Variants in CSF1R observed in about 807,000 individuals in gnomAD.
The protein encoded by CSF1R is macrophage colony-stimulating factor 1 receptor.
CSF1R carries 40 observed loss-of-function variants against 110.0 expected under a neutral mutation model. The ratio of observed to expected loss-of-function variants is 0.36; its 90% CI spans 0.28 to 0.47. The LOEUF is 0.47. Among genes scored for constraint, CSF1R ranks in the 20% least tolerant of loss-of-function variants. CSF1R has a pLI of 0.99. For synonymous variants in CSF1R, 523 were observed against 503.4 expected (o/e 1.04, Z -0.52); for missense variants, 1,052 against 1,253.0 (o/e 0.84, Z 2.42).
chr5:150,056,365 A>G (rs1348948575), intron 16 of CSF1R, 24 bp from the exon 17 acceptor site: 1 of 1,613,756 alleles, frequency 6.2e-7, no homozygotes, highest in Non-Finnish European at 8.5e-7. Context: ...CTGCAGGGTT[A>G]GTCTTGGGCC....
chr5:150,083,584 T>A lies in CSF1R; in HGVS notation c.50-2560A>T, dbSNP rs915714086. On this transcript the variant is annotated intron_variant, in intron 1 of 20. Transcript: ENST00000675795. The stretch of plus-strand genomic sequence containing the variant: ...TTAGGTTTCCAGCCTCCCCATCTCT[T>A]CTTTCTCTTGGGACTGGACCCTGGA... Among the ~76,000 whole-genome samples, 10 of 151,818 alleles carry A rather than the reference T, an allele frequency of 6.6e-5. No homozygotes were observed. In the East Asian group the frequency reaches 1.9e-3, roughly 29 times the overall value.
intron 10 of CSF1R, 100 bp from the exon 11 acceptor site, chr5:150,061,949 C>G: frequency 6.5e-7 from 1 of 1,546,552 alleles, no homozygotes; most frequent in Non-Finnish European, 8.8e-7. Context: ...AGTCCCAAGG[C>G]GCCCAGTGGG....
chr5:150,075,152 T>G (rs1267552759), intron 5 of CSF1R, among the ~76,000 whole-genome samples: 1 of 152,166 alleles, frequency 6.6e-6, no homozygotes, highest in African/African-American at 2.4e-5. Flanking sequence ...AGCTTTCTTC[T>G]CTCTCCAAGT....
At chr5:150,064,038 A>G (rs1397723731) in intron 10 of CSF1R, among the ~76,000 whole-genome samples, 1 of 152,198 alleles carries the variant, frequency 6.6e-6, no homozygotes, top group East Asian at 1.9e-4. Flanking sequence ...ATCCTAAGCA[A>G]ATTAACACCG....
chr5:150,103,031 G>C (rs2113865023), intron 1 of CSF1R, among the ~76,000 whole-genome samples: 1 of 152,314 alleles, frequency 6.6e-6, no homozygotes, highest in East Asian at 1.9e-4. Context: ...ATACAGGCCT[G>C]GGTCACAGGC....
intron 9 of CSF1R, 106 bp from the exon 10 acceptor site, chr5:150,068,436 G>A (rs1581303872): frequency 1.4e-6 from 1 of 707,738 alleles, no homozygotes; most frequent in South Asian, 1.8e-5. Context: ...ATAAATGCTT[G>A]TTGACTGAAT....
intron 5 of CSF1R, among the ~76,000 whole-genome samples, chr5:150,076,336 ATC>A: frequency 7.6e-6 from 1 of 131,894 alleles, no homozygotes; most frequent in South Asian, 2.2e-4. Flanking sequence ...CTATCTATCT[ATC>A]TATCTATCTA....
At position 150,078,033 on chromosome 5, in the gene CSF1R, G is replaced by A. The variant is rs2113826294; in HGVS notation, c.729+79C>T. 3.8e-6 allele frequency: 6 copies of A among 1,576,830 alleles called. No homozygotes were observed. In the South Asian group the frequency reaches 4.7e-5, roughly 12 times the overall value. On this transcript the variant is annotated intron_variant, in intron 4 of 20. Transcript: ENST00000675795. ...GCTAAGACAGCCAGTTTGGAGTTGG[G>A]GGCCCAGGACTCCACCATGGGAAAC... is the stretch of plus-strand genomic sequence containing the variant.
intron 5 of CSF1R, chr5:150,077,051 A>C: frequency 1.7e-6 from 1 of 603,988 alleles, no homozygotes; most frequent in Non-Finnish European, 2.9e-6. Flanking sequence ...GGTGCACCCA[A>C]TGCAGCCATG....
intron 9 of CSF1R, among the ~76,000 whole-genome samples, chr5:150,069,155 A>G (rs371916068): frequency 5.3e-5 from 8 of 152,286 alleles, no homozygotes; most frequent in East Asian, 3.9e-4. Flanking sequence ...CCCTGGTAGC[A>G]GTTGCTCCAA....
At chr5:150,095,912 G>A (rs1759209119) in intron 1 of CSF1R, among the ~76,000 whole-genome samples, 1 of 152,042 alleles carries the variant, frequency 6.6e-6, no homozygotes, top group African/African-American at 2.4e-5. Flanking sequence ...TGCATAAAAT[G>A]GACAAATTAT....
intron 1 of CSF1R, among the ~76,000 whole-genome samples, chr5:150,100,933 T>C (rs1238881244): frequency 6.6e-6 from 1 of 152,220 alleles, no homozygotes; most frequent in Non-Finnish European, 1.5e-5. Context: ...GGTTACATGG[T>C]GGCAAATGCC....
At chr5:150,073,638 A>C in intron 5 of CSF1R, 145 bp from the exon 6 acceptor site, 1 of 730,192 alleles carries the variant, frequency 1.4e-6, no homozygotes, top group Non-Finnish European at 2.2e-6. Flanking sequence ...AGGTCCTCTG[A>C]CACCCCTCTT....
At chr5:150,110,915 T>TTC (rs1759698458) in intron 1 of CSF1R, among the ~76,000 whole-genome samples, 1 of 151,978 alleles carries the variant, frequency 6.6e-6, no homozygotes, top group African/African-American at 2.4e-5. Flanking sequence ...TCAAGTAGTT[T>TTC]TTTTTTTTTT....
rs2113825050 is a variant in CSF1R at position 150,077,442 on chromosome 5, C to A, written c.730-7G>T. 1 of 1,609,224 alleles carries A rather than the reference C, an allele frequency of 6.2e-7. No individual in the cohort carries two copies. Among genetic ancestry groups the A allele is most frequent in the Non-Finnish European group, 8.5e-7 (1 of 1,176,122 alleles). ...ATTGTTGAGGGATTGCGAGCTGCAG[C>A]CAGAAGGAATGGAGATGTTATACCA... On this transcript the variant is annotated splice_polypyrimidine_tract_variant and splice_region_variant and intron_variant, in intron 4 of 20. Transcript: ENST00000675795.
intron 18 of CSF1R, 48 bp downstream of exon 18, chr5:150,055,978 C>A: frequency 6.4e-7 from 1 of 1,566,070 alleles, no homozygotes; most frequent in South Asian, 1.1e-5. Context: ...GTGGGGCAAC[C>A]AGAGGAGCCA....
chr5:150,070,297 G>C lies in CSF1R; in HGVS notation c.1204C>G (p.Pro402Ala), dbSNP rs1757976772. The C allele has an allele frequency of 6.2e-7, 1 of 1,613,676 alleles. No homozygotes were observed. The highest frequency in any genetic ancestry group is 8.5e-7 in the Non-Finnish European group (1 of 1,179,850). The stretch of plus-strand genomic sequence containing the variant: ...AATGTCCATATGACGCTTACCTCTG[G>C]GGGGTCTGAGGAAGAAAGGAGGAGG... Reference protein sequence around the residue: ...LTFELTLRYPPEVSVIWTFIN... With the variant: ...LTFELTLRYPAEVSVIWTFIN... The change falls in exon 8 of 21, where the codon CCA (proline) becomes GCA (alanine). Residue 402 changes from proline to alanine, a missense_variant. Coordinates refer to ENST00000675795, the MANE Select transcript of CSF1R (RefSeq NM_001288705.3).
At chr5:150,061,996 G>A (rs1757555558) in intron 10 of CSF1R, 147 bp from the exon 11 acceptor site, 1 of 1,068,526 alleles carries the variant, frequency 9.4e-7, no homozygotes, top group Admixed American at 2.0e-5. Context: ...GCTGAGAGAG[G>A]TCGTCTCATG....
At chr5:150,054,755 T>C (rs1327042680) in intron 19 of CSF1R, 2 of 293,638 alleles carry the variant, frequency 6.8e-6, no homozygotes, top group Admixed American at 9.5e-5. Context: ...GGGAGGTTGA[T>C]GCAGGAGGAT....
Sources: gnomAD v4.1 joint callset for allele counts (sites outside exome capture counted in the v4.1 genomes callset) on GRCh38, gnomAD v4.1.1 for gene constraint, MANE v1.5 for transcripts, NCBI Gene and HGNC (gene_info 2026-07-23, HGNC 2026-07-21) for gene names.